RASGRF1: variants seen among roughly 807,000 people sequenced by gnomAD.
RASGRF1 encodes the protein ras-specific guanine nucleotide-releasing factor 1.
RASGRF1 carries 40 observed loss-of-function variants against 138.7 expected under a neutral mutation model. The observed-to-expected ratio is 0.29, with a 90% CI of 0.22 to 0.38. RASGRF1 has a LOEUF of 0.38. Ranked by LOEUF, RASGRF1 falls within the 10% of genes least tolerant of loss-of-function variation. The pLI, the probability that RASGRF1 is intolerant of heterozygous loss-of-function variation, is 1.00. For synonymous variants in RASGRF1, 614 were observed against 663.2 expected (o/e 0.93, Z 1.14); for missense variants, 1,108 against 1,650.4 (o/e 0.67, Z 5.69).
chr15:79,031,635 A>G, intron 7 of RASGRF1, 126 bp from the exon 8 acceptor site: 1 of 128,384 alleles, frequency 7.8e-6, no homozygotes, highest in Non-Finnish European at 1.5e-5. Flanking sequence ...AGGGAGAGGA[A>G]GGGAGGGAGG....
chr15:79,070,688 G>A (rs1304783760), intron 1 of RASGRF1, among the ~76,000 whole-genome samples: 1 of 152,196 alleles, frequency 6.6e-6, no homozygotes, highest in East Asian at 1.9e-4. Context: ...AGAGTCAAGT[G>A]AGATAATGCT....
At chr15:79,089,075 CA>C (rs1402829053) in intron 1 of RASGRF1, among the ~76,000 whole-genome samples, 1 of 152,208 alleles carries the variant, frequency 6.6e-6, no homozygotes, top group Non-Finnish European at 1.5e-5. Context: ...CAATCACCAC[CA>C]GTCTGTGTCT....
intron 26 of RASGRF1, among the ~76,000 whole-genome samples, chr15:78,967,187 G>A (rs765090369): frequency 3.9e-5 from 6 of 151,948 alleles, no homozygotes; most frequent in Non-Finnish European, 8.8e-5. Flanking sequence ...AGGTTGCAGT[G>A]AGCTATGATT....
chr15:79,049,154 G>T (rs575491979), intron 4 of RASGRF1, among the ~76,000 whole-genome samples: 1 of 152,132 alleles, frequency 6.6e-6, no homozygotes, highest in Non-Finnish European at 1.5e-5. Flanking sequence ...GTGGCCCTGG[G>T]GGTCTTGGCA....
intron 8 of RASGRF1, among the ~76,000 whole-genome samples, chr15:79,029,885 T>G (rs1304272454): frequency 2.0e-5 from 3 of 152,140 alleles, no homozygotes; most frequent in Non-Finnish European, 2.9e-5. Context: ...TCAAATACCT[T>G]GGCACCATGT....
rs768985902 is a variant in RASGRF1, at chr15:79,017,913, G to A, written c.1607-7C>T. 4.3e-6 allele frequency: 7 copies of A among 1,611,100 alleles called. No individual in the cohort carries two copies. Among genetic ancestry groups the A allele is most frequent in the Admixed American group, 1.7e-5 (1 of 59,034 alleles). On this transcript the variant is annotated splice_region_variant and splice_polypyrimidine_tract_variant and intron_variant, in intron 11 of 26. Coordinates refer to ENST00000558480, the MANE Select transcript of RASGRF1 (RefSeq NM_001145648.3). Reference sequence around the variant, plus strand: ...TCTTGGCCGGATCCTTTGGCTTCCAGTTGTAAAACATAAAGTTAGCAGCAT... The same window carrying A: ...TCTTGGCCGGATCCTTTGGCTTCCAATTGTAAAACATAAAGTTAGCAGCAT...
At chr15:79,038,977 A>T (rs1567560259) in intron 5 of RASGRF1, among the ~76,000 whole-genome samples, 1 of 152,144 alleles carries the variant, frequency 6.6e-6, no homozygotes, top group African/African-American at 2.4e-5. Context: ...AGCCAGATTA[A>T]CCAATTAATC....
chr15:79,064,706 G>C, intron 1 of RASGRF1, 180 bp from the exon 2 acceptor site: 1 of 625,236 alleles, frequency 1.6e-6, no homozygotes, highest in Non-Finnish European at 2.8e-6. Flanking sequence ...GATTAAAAGG[G>C]CTTTTGTATC....
chr15:79,011,164 G>C (rs933871901), intron 13 of RASGRF1, among the ~76,000 whole-genome samples: 11 of 152,004 alleles, frequency 7.2e-5, no homozygotes, highest in African/African-American at 2.7e-4. Flanking sequence ...CCTGGGTTTG[G>C]CCCTATCACC....
In RASGRF1 at chr15:79,090,588, G is replaced by C; in HGVS notation, c.-90C>G. Reference sequence around the variant, plus strand: ...TGCGCGCTGCGCGCTGCCTCTCTCTGGCGCTCGCTCGCTCGCTCCCTCTAG... The same window carrying C: ...TGCGCGCTGCGCGCTGCCTCTCTCTCGCGCTCGCTCGCTCGCTCCCTCTAG... On this transcript the variant is annotated 5_prime_UTR_variant, in exon 1 of 27. Coordinates refer to ENST00000558480, the MANE Select transcript of RASGRF1 (RefSeq NM_001145648.3). The C allele has an allele frequency of 1.9e-6, 3 of 1,545,824 alleles. No individual in the cohort carries two copies. The highest frequency in any genetic ancestry group is 2.6e-6 in the Non-Finnish European group (3 of 1,145,940).
chr15:79,080,120 G>A (rs1414122983), intron 1 of RASGRF1, among the ~76,000 whole-genome samples: 1 of 121,078 alleles, frequency 8.3e-6, no homozygotes, highest in African/African-American at 3.3e-5. Context: ...GTCTTTCCAT[G>A]AGGCAATGAC....
chr15:79,077,869 G>A (rs2057858563), intron 1 of RASGRF1, among the ~76,000 whole-genome samples: 1 of 144,696 alleles, frequency 6.9e-6, no homozygotes. Context: ...CAGACCTGCT[G>A]CCTGGGCCTC....
At chr15:79,009,874 A>G (rs544599843) in intron 13 of RASGRF1, among the ~76,000 whole-genome samples, 1 of 151,638 alleles carries the variant, frequency 6.6e-6, no homozygotes, top group Non-Finnish European at 1.5e-5. Flanking sequence ...ACAGGTGCCC[A>G]CCACCACACC....
chr15:79,056,008 G>A (rs554163917), intron 3 of RASGRF1, among the ~76,000 whole-genome samples: 1 of 152,324 alleles, frequency 6.6e-6, no homozygotes, highest in East Asian at 1.9e-4. Context: ...GCTCTCACAT[G>A]GTGAGCTGAG....
At chr15:79,049,656 T>G (rs1227562378) in intron 3 of RASGRF1, 68 bp from the exon 4 acceptor site, 21 of 1,409,150 alleles carry the variant, frequency 1.5e-5, no homozygotes, top group Admixed American at 9.7e-5. Flanking sequence ...CTTTGGCCGG[T>G]GGGTGGCAGG....
chr15:79,052,443 G>A (rs1242131117), intron 3 of RASGRF1, among the ~76,000 whole-genome samples: 2 of 152,108 alleles, frequency 1.3e-5, no homozygotes, highest in Admixed American at 1.3e-4. Context: ...CCCCATCCAA[G>A]CCCAACAGGT....
chr15:79,031,330 ACTC>A (rs1321849365), intron 8 of RASGRF1, 67 bp downstream of exon 8: 1 of 1,213,836 alleles, frequency 8.2e-7, no homozygotes, highest in Non-Finnish European at 1.2e-6. Flanking sequence ...GGTTCAGCGA[ACTC>A]CTGGTGAGGG....
chr15:78,980,599 G>A (rs774181919), intron 24 of RASGRF1, 21 bp downstream of exon 24: 17 of 1,565,156 alleles, frequency 1.1e-5, no homozygotes, highest in African/African-American at 1.1e-4. Context: ...AAATAACAGC[G>A]ACAAAACGAC....
rs1336519806 is a variant in RASGRF1 at position 78,998,224 on chromosome 15, G to T, written c.2854-16C>A. ...TCTCAAAGTCCTGCCGGGAAGGTGT[G>T]ATGGGTGGCTCTGGTTACTGTTTTT... On this transcript the variant is annotated splice_polypyrimidine_tract_variant and intron_variant, in intron 18 of 26. Coordinates refer to ENST00000558480, the MANE Select transcript of RASGRF1 (RefSeq NM_001145648.3). The T allele has an allele frequency of 1.2e-6, 2 of 1,601,166 alleles. No homozygotes were observed. The highest frequency in any genetic ancestry group is 1.7e-5 in the Admixed American group (1 of 60,014).
Sources: gnomAD v4.1 joint callset for allele counts (sites outside exome capture counted in the v4.1 genomes callset) on GRCh38, gnomAD v4.1.1 for gene constraint, MANE v1.5 for transcripts, NCBI Gene and HGNC (gene_info 2026-07-23, HGNC 2026-07-21) for gene names.